Variants in DLG2 observed in about 807,000 individuals in gnomAD.
DLG2 encodes disks large homolog 2.
In DLG2, 45 loss-of-function variants were observed where a neutral mutation model predicts 132.5. The ratio of observed to expected loss-of-function variants is 0.34; its 90% CI spans 0.27 to 0.44. DLG2 has a LOEUF of 0.44. DLG2 is among the 20% of genes least tolerant of loss of function. DLG2 has a pLI of 1.00. For missense variants in DLG2, 1,045 were observed against 1,196.9 expected (o/e 0.87, Z 1.87); for synonymous variants, 424 against 419.6 (o/e 1.01, Z -0.13).
rs150564974 is a variant in DLG2, at chr11:84,284,450, C to T, written c.520-33159G>A. On this transcript the variant is annotated intron_variant, in intron 7 of 27. Transcript: ENST00000376104. Reference sequence around the variant, plus strand: ...ATGTCTCAAACCTGCTTAAGAGACGCGAGTCATCGTATTACAGTGATATCC... The same window carrying T: ...ATGTCTCAAACCTGCTTAAGAGACGTGAGTCATCGTATTACAGTGATATCC... Among the ~76,000 whole-genome samples, 164 of 152,264 alleles carry T rather than the reference C, an allele frequency of 1.1e-3. 2 individuals carry two copies. In the East Asian group the frequency reaches 0.022, roughly 21 times the overall value.
intron 19 of DLG2, among the ~76,000 whole-genome samples, chr11:83,567,833 T>C (rs1451864706): frequency 6.6e-6 from 1 of 152,028 alleles, no homozygotes; most frequent in Non-Finnish European, 1.5e-5. Flanking sequence ...TCAGTCCAGC[T>C]AGATATGGCT....
At chr11:84,518,837 A>C (rs1400133977) in intron 7 of DLG2, among the ~76,000 whole-genome samples, 2 of 152,180 alleles carry the variant, frequency 1.3e-5, no homozygotes, top group Non-Finnish European at 2.9e-5. Context: ...TCTGGATCCA[A>C]ATCAAAGCTA....
At position 85,049,039 on chromosome 11, in the gene DLG2, C is replaced by T. The variant is rs755468294; in HGVS notation, c.357+62622G>A. Reference sequence around the variant, plus strand: ...GAATACATATGGTTGCTTTGTTCTTCAAGTACTTTGTATACATTCGTCATT... The same window carrying T: ...GAATACATATGGTTGCTTTGTTCTTTAAGTACTTTGTATACATTCGTCATT... On this transcript the variant is annotated intron_variant, in intron 6 of 27. Coordinates refer to ENST00000376104, the MANE Select transcript of DLG2 (RefSeq NM_001142699.3). Among the ~76,000 whole-genome samples the T allele has an allele frequency of 1.3e-5, 2 of 151,964 alleles. 1 individual carries two copies. Among genetic ancestry groups the T allele is most frequent in the Non-Finnish European group, 2.9e-5 (2 of 67,932 alleles).
At chr11:84,744,898 TAA>T (rs758776805) in intron 6 of DLG2, among the ~76,000 whole-genome samples, 125 of 71,808 alleles carry the variant, frequency 1.7e-3, no homozygotes, top group African/African-American at 4.3e-3. Context: ...AGTAAAGGTC[TAA>T]AAAAAAAAAA....
At chr11:84,827,676 CAAAAAAA>C (rs398016953) in intron 6 of DLG2, among the ~76,000 whole-genome samples, 2 of 35,102 alleles carry the variant, frequency 5.7e-5, no homozygotes, top group African/African-American at 2.8e-4. Flanking sequence ...TACATACAGT[CAAAAAAA>C]AAAAAAAAAA....
chr11:83,581,412 C>A (rs776384634), intron 19 of DLG2, among the ~76,000 whole-genome samples: 1 of 152,024 alleles, frequency 6.6e-6, no homozygotes, highest in Non-Finnish European at 1.5e-5. Context: ...AGTAATAATT[C>A]TATAAGCAAG....
At chr11:84,914,302 G>A (rs1332197729) in intron 6 of DLG2, among the ~76,000 whole-genome samples, 1 of 152,006 alleles carries the variant, frequency 6.6e-6, no homozygotes, top group African/African-American at 2.4e-5. Context: ...ACCCTCCCAT[G>A]GTCAAATGAC....
intron 7 of DLG2, among the ~76,000 whole-genome samples, chr11:84,501,647 AAC>A (rs2099205903): frequency 2.0e-5 from 3 of 152,222 alleles, no homozygotes; most frequent in African/African-American, 4.8e-5. Flanking sequence ...TTTTGTGAGA[AAC>A]AGTCAGGTAT....
intron 3 of DLG2, among the ~76,000 whole-genome samples, chr11:85,593,498 G>C (rs981374001): frequency 6.6e-6 from 1 of 152,120 alleles, no homozygotes; most frequent in African/African-American, 2.4e-5. Context: ...ACCACATCTT[G>C]AGAATCTCTC....
rs1053596741 is a variant in DLG2 at position 84,660,498 on chromosome 11, T to C, written c.358-125767A>G. 3.3e-5 allele frequency among the ~76,000 whole-genome samples: 5 copies of C among 152,254 alleles called. No homozygotes were observed. In the South Asian group the frequency reaches 8.3e-4, roughly 25 times the overall value. On this transcript the variant is annotated intron_variant, in intron 6 of 27. Transcript: ENST00000376104. ...TATAACCTTCTGAGGACTGGTCTGATACCTCTTTTAAGGAAGTAAATATGA... is the reference window on the plus strand; with the variant it reads ...TATAACCTTCTGAGGACTGGTCTGACACCTCTTTTAAGGAAGTAAATATGA...
At position 83,729,192 on chromosome 11, in the gene DLG2, C is replaced by A. The variant is rs142631270; in HGVS notation, c.1825+57498G>T. 5.1e-3 allele frequency among the ~76,000 whole-genome samples: 770 copies of A among 152,246 alleles called. 2 individuals are homozygous for A. Among genetic ancestry groups the A allele is most frequent in the African/African-American group, 0.014 (581 of 41,546 alleles). ...AAAGGTTTAAATTCTGATGTTTGGACGTTCATTGCCACTAAGGATAATATT... is the reference window on the plus strand; with the variant it reads ...AAAGGTTTAAATTCTGATGTTTGGAAGTTCATTGCCACTAAGGATAATATT... On this transcript the variant is annotated intron_variant, in intron 18 of 27. Transcript: ENST00000376104.
intron 4 of DLG2, among the ~76,000 whole-genome samples, chr11:85,173,811 G>T (rs1203879335): frequency 1.3e-5 from 2 of 151,908 alleles, no homozygotes; most frequent in Non-Finnish European, 2.9e-5. Context: ...AGAAAAAAGG[G>T]GGTTGCAATC....
In DLG2 at chr11:83,565,231, A is replaced by G. The variant is rs17523834; in HGVS notation, c.1941-23373T>C. Among the ~76,000 whole-genome samples, 855 of 152,318 alleles carry G rather than the reference A, an allele frequency of 5.6e-3. 5 individuals are homozygous for G. Among genetic ancestry groups the G allele is most frequent in the Middle Eastern group, 0.024 (7 of 294 alleles). ...TGCTGGAGAATCAGTTCCAACTGCA[A>G]TCTGAAGCTCCCAGAAGGGTGGATA... On this transcript the variant is annotated intron_variant, in intron 19 of 27. Transcript: ENST00000376104.
Position 85,126,555 on chromosome 11 carries a change from T to A in DLG2, c.283-14820A>T, listed in dbSNP as rs577310679. Among the ~76,000 whole-genome samples, 24 of 152,210 alleles carry A rather than the reference T, an allele frequency of 1.6e-4. No homozygotes were observed. In the South Asian group the frequency reaches 5.0e-3, roughly 32 times the overall value. ...CACAAAAAGGTCAGGTTATGTTAAA[T>A]TTTCCCTACTATTAGCTGTATTTAT... On this transcript the variant is annotated intron_variant, in intron 5 of 27. Coordinates refer to ENST00000376104, the MANE Select transcript of DLG2 (RefSeq NM_001142699.3).
chr11:84,288,065 T>G (rs2097933734), intron 7 of DLG2, among the ~76,000 whole-genome samples: 1 of 152,002 alleles, frequency 6.6e-6, no homozygotes, highest in South Asian at 2.1e-4. Flanking sequence ...GGAAGGTAGA[T>G]GAGTCTGGGT....
At chr11:84,456,002 A>C (rs2099064363) in intron 7 of DLG2, among the ~76,000 whole-genome samples, 2 of 151,298 alleles carry the variant, frequency 1.3e-5, no homozygotes, top group African/African-American at 4.8e-5. Flanking sequence ...CCTAACATCC[A>C]TGAAAATGAG....
chr11:84,210,923 C>T (rs917482890), intron 8 of DLG2, among the ~76,000 whole-genome samples: 1 of 152,144 alleles, frequency 6.6e-6, no homozygotes, highest in Admixed American at 6.5e-5. Flanking sequence ...CAAGCGTATT[C>T]GTTTATCAAA....
intron 2 of DLG2, among the ~76,000 whole-genome samples, chr11:85,607,906 T>C (rs2080702931): frequency 6.6e-6 from 1 of 152,168 alleles, no homozygotes; most frequent in South Asian, 2.1e-4. Flanking sequence ...AAAATCCCAA[T>C]ACTAACAGAA....
At chr11:84,559,547 A>G (rs1027837200) in intron 6 of DLG2, among the ~76,000 whole-genome samples, 20 of 152,312 alleles carry the variant, frequency 1.3e-4, no homozygotes, top group Middle Eastern at 6.8e-3. Flanking sequence ...CACAAAGGTT[A>G]TAATATAATA....
Sources: allele counts gnomAD v4.1 joint callset (sites outside exome capture counted in the v4.1 genomes callset), GRCh38; gene constraint gnomAD v4.1.1; transcripts MANE v1.5; gene names NCBI Gene and HGNC (gene_info 2026-07-23, HGNC 2026-07-21).